Variants in MAMDC2 observed in about 807,000 individuals in gnomAD.
MAMDC2 encodes the protein MAM domain-containing protein 2.
In MAMDC2, 57 loss-of-function variants were observed where a neutral mutation model predicts 89.8. That is an observed-to-expected ratio of 0.63 (90% confidence interval 0.51 to 0.79). MAMDC2 has a LOEUF of 0.79. Among genes scored for constraint, MAMDC2 ranks in the 30% least tolerant of loss-of-function variants. The pLI, the probability that MAMDC2 is intolerant of heterozygous loss-of-function variation, is 0.00. For missense variants in MAMDC2, 800 were observed against 820.6 expected (o/e 0.97, Z 0.31); for synonymous variants, 313 against 293.4 (o/e 1.07, Z -0.68).
chr9:70,046,379 G>T (rs1319372204), intron 2 of MAMDC2, among the ~76,000 whole-genome samples: 2 of 152,358 alleles, frequency 1.3e-5, no homozygotes, highest in African/African-American at 4.8e-5. Flanking sequence ...GGACCCGAGA[G>T]TGAACAGCTA....
chr9:70,046,297 T>TAC (rs147078114), intron 2 of MAMDC2, among the ~76,000 whole-genome samples: 1,966 of 152,228 alleles, frequency 0.013, 47 homozygotes, highest in African/African-American at 0.045. Flanking sequence ...ACAGTCTGTG[T>TAC]ACACACACAC....
chr9:70,218,503 C>CG lies in MAMDC2; in HGVS notation c.1818_1819insG (p.Ser607GlufsTer2). The CG allele has an allele frequency of 6.2e-7, 1 of 1,614,162 alleles. No homozygotes were observed. Among genetic ancestry groups the CG allele is most frequent in the Middle Eastern group, 1.6e-4 (1 of 6,062 alleles). ...GTGTTTATCTGAAAAAGGAAGAAGA[C>CG]AGTGAAGAGTCCCTCTTATGGAGGA... On this transcript the variant is annotated frameshift_variant, in exon 12 of 14. Transcript: ENST00000377182. LOFTEE classifies it high-confidence loss of function.
chr9:70,126,818 A>C (rs1289607575), intron 6 of MAMDC2, among the ~76,000 whole-genome samples: 1 of 150,370 alleles, frequency 6.7e-6, no homozygotes, highest in Non-Finnish European at 1.5e-5. Flanking sequence ...TCCTTACTTG[A>C]GTGAACTGTT....
intron 2 of MAMDC2, among the ~76,000 whole-genome samples, chr9:70,097,409 G>A (rs1227169471): frequency 2.0e-5 from 3 of 152,166 alleles, no homozygotes; most frequent in Non-Finnish European, 4.4e-5. Context: ...AAGGAATACT[G>A]AGAACACCGA....
At chr9:70,189,710 C>T (rs1249217152) in intron 11 of MAMDC2, among the ~76,000 whole-genome samples, 1 of 152,014 alleles carries the variant, frequency 6.6e-6, no homozygotes, top group Admixed American at 6.6e-5. Flanking sequence ...GGGACTTCCA[C>T]TATGCATATG....
intron 9 of MAMDC2, among the ~76,000 whole-genome samples, chr9:70,144,280 C>T (rs2031323686): frequency 6.6e-6 from 1 of 152,110 alleles, no homozygotes; most frequent in East Asian, 1.9e-4. Context: ...AAGGCTCTAG[C>T]TGAACACAGG....
At chr9:70,191,247 T>C (rs998573688) in intron 11 of MAMDC2, among the ~76,000 whole-genome samples, 3 of 152,134 alleles carry the variant, frequency 2.0e-5, no homozygotes, top group Non-Finnish European at 2.9e-5. Context: ...ATTGCTTTTA[T>C]GGAGAAGATT....
intron 2 of MAMDC2, among the ~76,000 whole-genome samples, chr9:70,072,175 C>G (rs1367670843): frequency 6.6e-6 from 1 of 151,896 alleles, no homozygotes; most frequent in African/African-American, 2.4e-5. Flanking sequence ...AGATACTGAC[C>G]CTCACCTAGT....
chr9:70,055,127 T>C (rs1436040173), intron 2 of MAMDC2, among the ~76,000 whole-genome samples: 1 of 152,204 alleles, frequency 6.6e-6, no homozygotes, highest in East Asian at 1.9e-4. Context: ...GGAATGTTAC[T>C]GTATAATATA....
chr9:70,196,666 G>A (rs1460909958), intron 11 of MAMDC2, among the ~76,000 whole-genome samples: 1 of 152,032 alleles, frequency 6.6e-6, no homozygotes, highest in Non-Finnish European at 1.5e-5. Flanking sequence ...AATTAGAAAG[G>A]ATGCCATCTA....
At chr9:70,158,049 G>T (rs927945996) in intron 9 of MAMDC2, among the ~76,000 whole-genome samples, 1 of 152,090 alleles carries the variant, frequency 6.6e-6, no homozygotes, top group African/African-American at 2.4e-5. Flanking sequence ...CTTGACCTCT[G>T]CAAGGTCAGG....
At chr9:70,065,910 A>C (rs1827252465) in intron 2 of MAMDC2, among the ~76,000 whole-genome samples, 1 of 152,190 alleles carries the variant, frequency 6.6e-6, no homozygotes, top group African/African-American at 2.4e-5. Flanking sequence ...TTCTTGAGCA[A>C]GTTTGTTTAT....
chr9:70,051,795 C>T (rs1009406241), intron 2 of MAMDC2, among the ~76,000 whole-genome samples: 3 of 152,146 alleles, frequency 2.0e-5, no homozygotes, highest in African/African-American at 7.2e-5. Flanking sequence ...CCAACTAAAT[C>T]ATATAAATGT....
intron 11 of MAMDC2, among the ~76,000 whole-genome samples, chr9:70,209,885 G>C (rs561180870): frequency 6.6e-6 from 1 of 152,076 alleles, no homozygotes; most frequent in Non-Finnish European, 1.5e-5. Flanking sequence ...CCTTCATTTC[G>C]TTATGTACCC....
At chr9:70,153,356 A>C (rs1228544142) in intron 9 of MAMDC2, 1 of 152,204 alleles carries the variant, frequency 6.6e-6, no homozygotes. Flanking sequence ...GAAAGACTAG[A>C]GAGTGATTGT....
At chr9:70,212,932 G>A (rs2033384891) in intron 11 of MAMDC2, among the ~76,000 whole-genome samples, 2 of 152,190 alleles carry the variant, frequency 1.3e-5, no homozygotes, top group South Asian at 4.1e-4. Flanking sequence ...AGGAGGCTGT[G>A]CAGGCTATCC....
intron 5 of MAMDC2, among the ~76,000 whole-genome samples, chr9:70,125,302 T>G (rs1279603915): frequency 6.6e-6 from 1 of 152,242 alleles, no homozygotes; most frequent in Non-Finnish European, 1.5e-5. Flanking sequence ...CCATGTAATA[T>G]TCATTGCCTC....
At chr9:70,140,505 C>T (rs1213659994) in intron 8 of MAMDC2, among the ~76,000 whole-genome samples, 2 of 152,138 alleles carry the variant, frequency 1.3e-5, no homozygotes, top group Non-Finnish European at 1.5e-5. Flanking sequence ...ACAGGCAAAT[C>T]CTTGTAAAAT....
At chr9:70,115,093 T>G (rs1306603893) in intron 5 of MAMDC2, among the ~76,000 whole-genome samples, 1 of 152,122 alleles carries the variant, frequency 6.6e-6, no homozygotes, top group African/African-American at 2.4e-5. Flanking sequence ...GATTTTAACT[T>G]TATTTCATTG....
Sources: gnomAD v4.1 joint callset for allele counts (sites outside exome capture counted in the v4.1 genomes callset) on GRCh38, gnomAD v4.1.1 for gene constraint, MANE v1.5 for transcripts, NCBI Gene and HGNC (gene_info 2026-07-23, HGNC 2026-07-21) for gene names.